KIAA1671: variants seen among roughly 807,000 people sequenced by gnomAD.
The protein encoded by KIAA1671 is KIAA1671.
Under a neutral mutation model 131.2 loss-of-function variants are expected in KIAA1671, and 52 were observed. That is an observed-to-expected ratio of 0.40 (90% CI 0.32 to 0.50). The LOEUF (loss-of-function observed/expected upper bound fraction) is 0.50. Among genes scored for constraint, KIAA1671 ranks in the 20% least tolerant of loss-of-function variants. KIAA1671 has a pLI of 0.73. For missense variants in KIAA1671, 2,360 were observed against 2,364.2 expected, an observed-to-expected ratio of 1.00 and a Z score of 0.04; for synonymous variants, 1,003 against 961.6, an observed-to-expected ratio of 1.04 and a Z score of -0.80.
At position 25,151,313 on chromosome 22, in the gene KIAA1671, G is replaced by A. The variant is rs1933030202; in HGVS notation, c.4531-19507G>A. Among the ~76,000 whole-genome samples the A allele has an allele frequency of 5.4e-5, 8 of 147,508 alleles. No homozygotes were observed. In the South Asian group the frequency reaches 1.7e-3, roughly 31 times the overall value. ...ATATATGCAACATATATACATATAT[G>A]CATATATAATAAATATATAAATAAA... On this transcript the variant is annotated intron_variant, in intron 6 of 12. Transcript: ENST00000358431.
intron 6 of KIAA1671, chr22:25,057,643 A>AC (rs35359758): frequency 7.5e-6 from 1 of 133,686 alleles, no homozygotes; most frequent in African/African-American, 2.8e-5. Flanking sequence ...TCTGCTGGGC[A>AC]TTTTTTTTTT....
intron 6 of KIAA1671, among the ~76,000 whole-genome samples, chr22:25,073,653 C>A (rs1928945182): frequency 6.6e-6 from 1 of 152,120 alleles, no homozygotes; most frequent in African/African-American, 2.4e-5. Context: ...AACTTTGTAC[C>A]CTTTAACATC....
intron 11 of KIAA1671, among the ~76,000 whole-genome samples, chr22:25,187,691 T>G (rs1363552976): frequency 2.0e-5 from 3 of 152,128 alleles, no homozygotes; most frequent in African/African-American, 7.2e-5. Context: ...TGTATTTTTT[T>G]GTAGAGACAA....
At chr22:25,160,224 A>C (rs1933388986) in intron 6 of KIAA1671, among the ~76,000 whole-genome samples, 1 of 152,146 alleles carries the variant, frequency 6.6e-6, no homozygotes, top group Admixed American at 6.5e-5. Context: ...GTGGAGCCGG[A>C]GCTGAGGATG....
At position 25,040,513 on chromosome 22, in the gene KIAA1671, A is replaced by G; in HGVS notation, c.3383A>G (p.Asp1128Gly). The change falls in exon 5 of 13, where the codon GAT becomes GGT. Residue 1128 changes from aspartate (D) to glycine (G), a missense_variant. This residue lies in a region of KIAA1671 where 1,161 missense variants were observed against 1,204.7 expected (regional missense o/e 0.96). Transcript: ENST00000358431. ...TTCAATGGAAGAATCATTGATGTGGATGCCTTATGGAGTCATCGGGGATCA... is the reference window on the plus strand; with the variant it reads ...TTCAATGGAAGAATCATTGATGTGGGTGCCTTATGGAGTCATCGGGGATCA... ...DPFNGRIIDV[D>G]ALWSHRGSED... is the part of the protein sequence containing the mutation. 1 of 1,551,834 alleles carries G rather than the reference A, an allele frequency of 6.4e-7. No individual in the cohort carries two copies.
rs1023882975 is a variant in KIAA1671, at chr22:25,028,868, G to A, written c.869G>A (p.Arg290Gln). 8.4e-6 allele frequency: 13 copies of A among 1,550,992 alleles called. No homozygotes were observed. The highest frequency in any genetic ancestry group is 2.7e-5 in the African/African-American group (2 of 73,070). The stretch of plus-strand genomic sequence containing the variant: ...CCCTTGTCCATGGACCTCACGGCCC[G>A]GTTTGAGAACAAAGAGGCCTTGCTG... ...PRPLSMDLTARFENKEALLRK... is the reference protein window; with the variant it reads ...PRPLSMDLTAQFENKEALLRK... The change falls in exon 3 of 13, where the codon CGG becomes CAG. Residue 290 changes from arginine to glutamine, a missense_variant. Coordinates refer to ENST00000358431, the MANE Select transcript of KIAA1671 (RefSeq NM_001145206.2).
intron 6 of KIAA1671, chr22:25,049,973 A>C (rs1342136803): frequency 1.3e-5 from 2 of 152,372 alleles, no homozygotes; most frequent in African/African-American, 4.8e-5. Context: ...TAGAATGGGG[A>C]TAATAATAGT....
intron 1 of KIAA1671, among the ~76,000 whole-genome samples, chr22:24,975,375 G>A (rs9624684): frequency 6.6e-6 from 1 of 150,966 alleles, no homozygotes; most frequent in African/African-American, 2.4e-5. Context: ...CTTGAGTGCA[G>A]TGGTGCAATC....
intron 4 of KIAA1671, among the ~76,000 whole-genome samples, chr22:25,036,496 A>G (rs1261651131): frequency 6.6e-6 from 1 of 152,180 alleles, no homozygotes; most frequent in Non-Finnish European, 1.5e-5. Context: ...AGTTTCAAAA[A>G]TTCGGTCTTT....
At chr22:25,073,362 C>A (rs369710733) in intron 6 of KIAA1671, among the ~76,000 whole-genome samples, 1 of 152,102 alleles carries the variant, frequency 6.6e-6, no homozygotes, top group South Asian at 2.1e-4. Flanking sequence ...GCCACCATAC[C>A]CAGCCTGCAA....
At chr22:25,029,697 G>C (rs1416021295) in intron 3 of KIAA1671, among the ~76,000 whole-genome samples, 157 bp downstream of exon 3, 1 of 152,246 alleles carries the variant, frequency 6.6e-6, no homozygotes, top group African/African-American at 2.4e-5. Flanking sequence ...GATGAGAAAG[G>C]TGAGGTGCGG....
chr22:24,995,228 T>A (rs552477180), intron 1 of KIAA1671, among the ~76,000 whole-genome samples: 4 of 151,732 alleles, frequency 2.6e-5, no homozygotes, highest in Admixed American at 6.6e-5. Flanking sequence ...TTTTTTGTAT[T>A]TTTTTAGTAG....
intron 1 of KIAA1671, among the ~76,000 whole-genome samples, chr22:24,958,573 C>T (rs1921841385): frequency 6.6e-6 from 1 of 151,476 alleles, no homozygotes; most frequent in Non-Finnish European, 1.5e-5. Flanking sequence ...ATCCCTTGAA[C>T]CCCGGAGGTG....
chr22:25,105,155 AG>A (rs1930931548), intron 6 of KIAA1671, among the ~76,000 whole-genome samples: 1 of 151,890 alleles, frequency 6.6e-6, no homozygotes, highest in South Asian at 2.1e-4. Context: ...CCAAATAGCT[AG>A]GATTCCAGGT....
At chr22:25,135,874 A>G (rs1158801224) in intron 6 of KIAA1671, among the ~76,000 whole-genome samples, 1 of 152,238 alleles carries the variant, frequency 6.6e-6, no homozygotes, top group Non-Finnish European at 1.5e-5. Flanking sequence ...CCATGTGCCC[A>G]GGGCACTGTG....
chr22:25,032,485 T>G, intron 3 of KIAA1671, 124 bp from the exon 4 acceptor site: 1 of 554,784 alleles, frequency 1.8e-6, no homozygotes, highest in Non-Finnish European at 3.2e-6. Context: ...CAGTTCTCCT[T>G]TTGGTAAGTG....
At chr22:24,989,325 G>T (rs1923713411) in intron 1 of KIAA1671, among the ~76,000 whole-genome samples, 1 of 152,194 alleles carries the variant, frequency 6.6e-6, no homozygotes, top group East Asian at 1.9e-4. Flanking sequence ...TGCCTGGTGT[G>T]CTTGCAGGGG....
chr22:25,058,504 T>G (rs1212851318), intron 6 of KIAA1671: 2 of 152,160 alleles, frequency 1.3e-5, no homozygotes, highest in African/African-American at 2.4e-5. Flanking sequence ...TCCCCCCTAT[T>G]GTCTGGGTGT....
chr22:25,163,734 G>A (rs888248074), intron 6 of KIAA1671, among the ~76,000 whole-genome samples: 62 of 151,850 alleles, frequency 4.1e-4, no homozygotes, highest in African/African-American at 1.5e-3. Context: ...CACCACGCCC[G>A]GCCATTCCTT....
Sources: gnomAD v4.1 joint callset for allele counts (sites outside exome capture counted in the v4.1 genomes callset) on GRCh38, gnomAD v4.1.1 for gene constraint, gnomAD v4.1.1 regional missense constraint, MANE v1.5 for transcripts, NCBI Gene and HGNC (gene_info 2026-07-23, HGNC 2026-07-21) for gene names.